Variants in ACBD6 observed in about 807,000 individuals in gnomAD.
ACBD6 encodes acyl-CoA binding domain containing 6.
A neutral mutation model predicts 37.2 loss-of-function variants in ACBD6; 28 were observed. The ratio of observed to expected loss-of-function variants is 0.75; its 90% CI spans 0.56 to 1.03. The LOEUF is 1.03. Among genes scored for constraint, ACBD6 ranks in the 50% least tolerant of loss-of-function variants. The pLI is 0.00. For synonymous variants in ACBD6, 113 were observed against 126.8 expected (o/e 0.89, Z 0.73); for missense variants, 340 against 337.4 (o/e 1.01, Z -0.06).
intron 6 of ACBD6, among the ~76,000 whole-genome samples, chr1:180,362,923 T>C (rs1347261363): frequency 6.6e-6 from 1 of 152,198 alleles, no homozygotes; most frequent in Admixed American, 6.5e-5. Context: ...TAATCCCAAA[T>C]CCCAACACTC....
chr1:180,426,002 T>C (rs1457037160), intron 4 of ACBD6, among the ~76,000 whole-genome samples: 1 of 152,238 alleles, frequency 6.6e-6, no homozygotes. Context: ...AAATGGAAAC[T>C]TTATAAGTCA....
intron 6 of ACBD6, among the ~76,000 whole-genome samples, chr1:180,387,028 T>A (rs1236023539): frequency 6.6e-6 from 1 of 152,142 alleles, no homozygotes; most frequent in Non-Finnish European, 1.5e-5. Flanking sequence ...TAGCAGGCAG[T>A]TTCTCTATTT....
intron 3 of ACBD6, among the ~76,000 whole-genome samples, chr1:180,443,435 AC>A (rs1649359288): frequency 6.6e-6 from 1 of 151,900 alleles, no homozygotes; most frequent in South Asian, 2.1e-4. Flanking sequence ...AGCCAAAGGG[AC>A]CCCTCTGCAG....
At chr1:180,278,328 A>ACAT (rs928694238) in intron 9 of ACBD6, 26 of 96,302 alleles carry the variant, frequency 2.7e-4, no homozygotes, top group African/African-American at 9.3e-4. Flanking sequence ...AATGAAAAGC[A>ACAT]CATCACTGGC....
Position 180,295,773 on chromosome 1 carries a change from G to A in ACBD6, c.695-7256C>T, listed in dbSNP as rs544359269. 2.0e-5 allele frequency among the ~76,000 whole-genome samples: 3 copies of A among 152,122 alleles called. No individual in the cohort carries two copies. The East Asian group carries it at 5.8e-4, about 30-fold the overall frequency. On this transcript the variant is annotated intron_variant, in intron 7 of 7. Transcript: ENST00000367595. ...TGAATTTCATCAATCAATGTTTTATGTGTTCTGACTGTACCATGGAACAGC... is the reference window on the plus strand; with the variant it reads ...TGAATTTCATCAATCAATGTTTTATATGTTCTGACTGTACCATGGAACAGC...
intron 6 of ACBD6, among the ~76,000 whole-genome samples, chr1:180,337,506 A>G (rs1017708181): frequency 6.6e-6 from 1 of 152,204 alleles, no homozygotes; most frequent in African/African-American, 2.4e-5. Context: ...ATGTATCTCA[A>G]AATAATAAGA....
chr1:180,290,414 C>A (rs959815270), intron 7 of ACBD6, among the ~76,000 whole-genome samples: 2 of 152,162 alleles, frequency 1.3e-5, no homozygotes, highest in Non-Finnish European at 2.9e-5. Flanking sequence ...TAGGCTCAGG[C>A]AATCCTCCCG....
chr1:180,483,298 C>T (rs913593234), intron 3 of ACBD6, among the ~76,000 whole-genome samples: 1 of 152,104 alleles, frequency 6.6e-6, no homozygotes, highest in African/African-American at 2.4e-5. Context: ...CTCTCCTGAC[C>T]ATCTTATTTT....
At chr1:180,282,646 TG>T (rs1317324336) in intron 8 of ACBD6, among the ~76,000 whole-genome samples, 1 of 152,172 alleles carries the variant, frequency 6.6e-6, no homozygotes, top group East Asian at 1.9e-4. Context: ...CTTAGGGAAT[TG>T]AAAGTCACTT....
chr1:180,467,940 T>G (rs1186444005), intron 3 of ACBD6, among the ~76,000 whole-genome samples: 1 of 152,174 alleles, frequency 6.6e-6, no homozygotes, highest in Non-Finnish European at 1.5e-5. Context: ...TGTTAGCTAC[T>G]TAGCCCTAAA....
At chr1:180,325,202 G>A (rs940538442) in intron 6 of ACBD6, among the ~76,000 whole-genome samples, 3 of 151,878 alleles carry the variant, frequency 2.0e-5, no homozygotes, top group Admixed American at 6.6e-5. Flanking sequence ...TCTCTTTCTC[G>A]ATCTCCTCCT....
intron 7 of ACBD6, among the ~76,000 whole-genome samples, chr1:180,311,463 G>A (rs1650591615): frequency 6.6e-6 from 1 of 151,928 alleles, no homozygotes; most frequent in Admixed American, 6.6e-5. Context: ...TTTGAGACAG[G>A]GTCTTACTCT....
intron 5 of ACBD6, among the ~76,000 whole-genome samples, chr1:180,399,863 T>C (rs993279675): frequency 2.0e-5 from 3 of 148,222 alleles, no homozygotes; most frequent in African/African-American, 7.5e-5. Flanking sequence ...ATTGTAAGTG[T>C]GCATTTTATG....
intron 6 of ACBD6, among the ~76,000 whole-genome samples, chr1:180,338,010 C>A (rs1489052858): frequency 6.6e-6 from 1 of 152,040 alleles, no homozygotes; most frequent in Non-Finnish European, 1.5e-5. Context: ...AGGATCCAAA[C>A]AAATGGAAGA....
intron 4 of ACBD6, among the ~76,000 whole-genome samples, chr1:180,427,954 G>A (rs563836205): frequency 4.0e-5 from 6 of 148,866 alleles, no homozygotes; most frequent in South Asian, 4.3e-4. Context: ...AAAAAACAAC[G>A]AATTTTCATT....
intron 3 of ACBD6, among the ~76,000 whole-genome samples, chr1:180,473,983 T>C (rs1218921725): frequency 1.3e-5 from 2 of 152,206 alleles, no homozygotes; most frequent in African/African-American, 4.8e-5. Flanking sequence ...CACACACCCA[T>C]AGTCAATCTT....
At chr1:180,445,400 A>AG (rs1203594469) in intron 3 of ACBD6, among the ~76,000 whole-genome samples, 3 of 152,252 alleles carry the variant, frequency 2.0e-5, no homozygotes, top group African/African-American at 7.2e-5. Context: ...AAAAAGAGAT[A>AG]GAAAACTAAT....
intron 6 of ACBD6, among the ~76,000 whole-genome samples, chr1:180,327,574 G>A (rs561062739): frequency 1.3e-5 from 2 of 152,134 alleles, no homozygotes; most frequent in African/African-American, 4.8e-5. Flanking sequence ...GGCGACAATT[G>A]GTGGAGGGGC....
intron 7 of ACBD6, among the ~76,000 whole-genome samples, chr1:180,299,103 T>C (rs1650031547): frequency 6.6e-6 from 1 of 152,252 alleles, no homozygotes; most frequent in African/African-American, 2.4e-5. Context: ...TTGTATTCTC[T>C]TCTCCATCTA....
Sources: allele counts gnomAD v4.1 joint callset (sites outside exome capture counted in the v4.1 genomes callset), GRCh38; gene constraint gnomAD v4.1.1; transcripts MANE v1.5; gene names NCBI Gene and HGNC (gene_info 2026-07-23, HGNC 2026-07-21).